Variants in PIK3R1 observed in about 807,000 individuals in gnomAD.
PIK3R1 encodes phosphatidylinositol 3-kinase regulatory subunit alpha.
In PIK3R1, 29 loss-of-function variants were observed where a neutral mutation model predicts 98.0. That is an observed-to-expected ratio of 0.30 (90% confidence interval 0.22 to 0.40). The LOEUF (loss-of-function observed/expected upper bound fraction) is 0.40, where lower values mean the gene tolerates loss of function less well. PIK3R1 is among the 10% of genes least tolerant of loss of function. The probability of loss-of-function intolerance (pLI) is 1.00; values close to 1 mark genes in which losing one functional copy is unlikely to be tolerated. For synonymous variants in PIK3R1, 282 were observed against 311.8 expected, an observed-to-expected ratio of 0.90 and a Z score of 1.01; for missense variants, 596 against 872.7, an observed-to-expected ratio of 0.68 and a Z score of 3.99.
chr5:68,293,018 T>C (rs911755629), intron 8 of PIK3R1, 83 bp from the exon 9 acceptor site: 7 of 1,137,462 alleles, frequency 6.2e-6, no homozygotes, highest in African/African-American at 4.6e-5. Flanking sequence ...CTAAAACTGC[T>C]CTAAAAAATA....
intron 1 of PIK3R1, among the ~76,000 whole-genome samples, chr5:68,224,141 A>T (rs1744196408): frequency 1.3e-5 from 2 of 152,192 alleles, no homozygotes; most frequent in African/African-American, 4.8e-5. Context: ...TCTTAGGCAC[A>T]TTGCCTGGTT....
intron 2 of PIK3R1, among the ~76,000 whole-genome samples, chr5:68,243,547 A>T (rs1177046353): frequency 6.6e-6 from 1 of 152,226 alleles, no homozygotes; most frequent in East Asian, 1.9e-4. Flanking sequence ...TTGTGCTAAT[A>T]GTTGCACCTT....
At chr5:68,244,862 C>G (rs1745022314) in intron 2 of PIK3R1, among the ~76,000 whole-genome samples, 1 of 152,142 alleles carries the variant, frequency 6.6e-6, no homozygotes, top group South Asian at 2.1e-4. Flanking sequence ...ATAACATGTT[C>G]CATGAGTTTT....
At chr5:68,238,131 C>CAG (rs768711429) in intron 2 of PIK3R1, among the ~76,000 whole-genome samples, 1 of 152,236 alleles carries the variant, frequency 6.6e-6, no homozygotes, top group Non-Finnish European at 1.5e-5. Context: ...CTCCATCACT[C>CAG]AGAGCATCAG....
At chr5:68,288,774 A>C in intron 7 of PIK3R1, 1 of 1,609,572 alleles carries the variant, frequency 6.2e-7, no homozygotes, top group Non-Finnish European at 8.5e-7. Flanking sequence ...GAATTTGTGC[A>C]CTTCTCTGTT....
chr5:68,241,387 T>G (rs2545410), intron 2 of PIK3R1, among the ~76,000 whole-genome samples: 1,116 of 57,186 alleles, frequency 0.02, 6 homozygotes, highest in Non-Finnish European at 0.025. Context: ...CAATTTTTTT[T>G]GTTTTTTTTT....
chr5:68,233,412 T>G (rs1164891963), intron 2 of PIK3R1, among the ~76,000 whole-genome samples: 1 of 152,196 alleles, frequency 6.6e-6, no homozygotes, highest in Non-Finnish European at 1.5e-5. Context: ...GGTCTTGAGT[T>G]TATAGCATTC....
At chr5:68,279,142 A>G (rs1746711088) in intron 4 of PIK3R1, among the ~76,000 whole-genome samples, 1 of 152,086 alleles carries the variant, frequency 6.6e-6, no homozygotes, top group African/African-American at 2.4e-5. Flanking sequence ...GAAGGATATC[A>G]GTTACATTGG....
rs1374918213 is a variant in PIK3R1, at chr5:68,298,675, T to G, written c.*1074T>G. On this transcript the variant is annotated 3_prime_UTR_variant, in exon 16 of 16. Coordinates refer to ENST00000521381, the MANE Select transcript of PIK3R1 (RefSeq NM_181523.3). ...CCAAGGTTAAAAAGTTCATAACAGA[T>G]TTTTTTTGGACTGTTTTGTTGGGCA... 4.3e-6 allele frequency: 1 copy of G among 231,498 alleles called. No homozygotes were observed. The highest frequency in any genetic ancestry group is 2.2e-5 in the African/African-American group (1 of 45,188). 14.3% of individuals were successfully genotyped at this position (231,498 alleles called of 1,614,324 possible). A position where few individuals can be genotyped will look rare whatever the true frequency, so the allele number is the denominator to read the frequency against.
intron 1 of PIK3R1, among the ~76,000 whole-genome samples, chr5:68,216,962 C>G (rs1743907300): frequency 6.6e-6 from 1 of 152,102 alleles, no homozygotes; most frequent in South Asian, 2.1e-4. Context: ...GGGAATTCTT[C>G]TGTTTCCCGG....
chr5:68,275,394 C>G lies in PIK3R1; in HGVS notation c.502+1381C>G, dbSNP rs1746530302. 3.3e-5 allele frequency among the ~76,000 whole-genome samples: 5 copies of G among 152,028 alleles called. No homozygotes were observed. In the South Asian group the frequency reaches 1.0e-3, roughly 32 times the overall value. On this transcript the variant is annotated intron_variant, in intron 4 of 15. Coordinates refer to ENST00000521381, the MANE Select transcript of PIK3R1 (RefSeq NM_181523.3). ...CACATGTTTGGGTCAGAAAATTGGT[C>G]AAATTATGAACACGTTTAGTCACAG...
At chr5:68,283,693 C>T (rs922945161) in intron 7 of PIK3R1, among the ~76,000 whole-genome samples, 2 of 152,160 alleles carry the variant, frequency 1.3e-5, no homozygotes, top group Admixed American at 6.5e-5. Context: ...CCAGCTTTAC[C>T]AATTTGGACA....
chr5:68,226,808 G>A lies in PIK3R1; in HGVS notation c.133G>A (p.Gly45Arg). 1 of 1,614,060 alleles carries A rather than the reference G, an allele frequency of 6.2e-7. No homozygotes were observed. Among genetic ancestry groups the A allele is most frequent in the Non-Finnish European group, 8.5e-7 (1 of 1,180,008 alleles). ...CTTAGTAGCTCTTGGATTCAGTGAT[G>A]GACAGGAAGCCAGGCCTGAAGAAAT... ...GSLVALGFSD[G>R]QEARPEEIGW... is the part of the protein sequence containing the mutation. The change falls in exon 2 of 16, where the codon GGA becomes AGA. Residue 45 changes from glycine (G) to arginine (R), a missense_variant. Coordinates refer to ENST00000521381, the MANE Select transcript of PIK3R1 (RefSeq NM_181523.3).
chr5:68,269,508 A>C (rs1011704657), intron 2 of PIK3R1, among the ~76,000 whole-genome samples: 5 of 152,128 alleles, frequency 3.3e-5, no homozygotes, highest in African/African-American at 1.2e-4. Context: ...TTGGTTTATC[A>C]AACTTTGTAA....
At chr5:68,280,124 C>T (rs77064062) in intron 5 of PIK3R1, 6,434 of 301,750 alleles carry the variant, frequency 0.021, 116 homozygotes, top group Middle Eastern at 0.045. Context: ...GGGAAGATGG[C>T]TCTCAGTTTT....
At chr5:68,258,564 A>T (rs896981037) in intron 2 of PIK3R1, among the ~76,000 whole-genome samples, 2 of 152,202 alleles carry the variant, frequency 1.3e-5, no homozygotes, top group African/African-American at 4.8e-5. Context: ...TCAAGATGTG[A>T]ACCTAAGCAG....
At chr5:68,288,603 G>A (rs1747200899) in intron 7 of PIK3R1, 1 of 1,553,444 alleles carries the variant, frequency 6.4e-7, no homozygotes, top group South Asian at 1.2e-5. Context: ...TCTCGGCGCC[G>A]GACACGAGCA....
At chr5:68,293,548 A>C (rs759970563) in intron 10 of PIK3R1, 65 bp downstream of exon 10, 24 of 1,365,668 alleles carry the variant, frequency 1.8e-5, no homozygotes, top group Non-Finnish European at 2.2e-5. Context: ...ATACTTAGAA[A>C]ACATTTGAAG....
chr5:68,292,507 C>G (rs540017445), intron 8 of PIK3R1, 146 bp downstream of exon 8: 1 of 1,507,802 alleles, frequency 6.6e-7, no homozygotes, highest in African/African-American at 1.4e-5. Context: ...GAAAAAGTCA[C>G]TGAGCACTGG....
Sources: allele counts gnomAD v4.1 joint callset (sites outside exome capture counted in the v4.1 genomes callset), GRCh38; gene constraint gnomAD v4.1.1; transcripts MANE v1.5; gene names NCBI Gene and HGNC (gene_info 2026-07-23, HGNC 2026-07-21).